Variants in ANKS1B observed in about 807,000 individuals in gnomAD.
ANKS1B encodes the protein ankyrin repeat and sterile alpha motif domain containing 1B.
In ANKS1B, 36 loss-of-function variants were observed where a neutral mutation model predicts 148.3. That is an observed-to-expected ratio of 0.24 (90% CI 0.19 to 0.32). The LOEUF (loss-of-function observed/expected upper bound fraction) is 0.32. Among genes scored for constraint, ANKS1B ranks in the 10% least tolerant of loss-of-function variants. ANKS1B has a pLI of 1.00. For synonymous variants in ANKS1B, 542 were observed against 560.8 expected, an observed-to-expected ratio of 0.97 and a Z score of 0.47; for missense variants, 1,157 against 1,542.6, an observed-to-expected ratio of 0.75 and a Z score of 4.19.
intron 10 of ANKS1B, among the ~76,000 whole-genome samples, chr12:99,493,876 A>G (rs1166878646): frequency 1.3e-5 from 2 of 152,348 alleles, no homozygotes; most frequent in East Asian, 3.9e-4. Context: ...GAAGTGGTCT[A>G]GCCTGGAGAT....
At chr12:99,521,740 C>T (rs953615316) in intron 9 of ANKS1B, among the ~76,000 whole-genome samples, 1 of 152,210 alleles carries the variant, frequency 6.6e-6, no homozygotes, top group Non-Finnish European at 1.5e-5. Context: ...CTCGCTCTCT[C>T]TCTCTCTCTG....
At chr12:99,105,518 A>C (rs2058972427) in intron 15 of ANKS1B, among the ~76,000 whole-genome samples, 1 of 152,048 alleles carries the variant, frequency 6.6e-6, no homozygotes. Flanking sequence ...ATTAAAAACA[A>C]AATTTTTTGG....
At chr12:99,460,540 A>C (rs1273619111) in intron 10 of ANKS1B, among the ~76,000 whole-genome samples, 1 of 152,170 alleles carries the variant, frequency 6.6e-6, no homozygotes, top group Non-Finnish European at 1.5e-5. Flanking sequence ...CAAGGAACTC[A>C]AACATATCAG....
chr12:98,740,737 C>T (rs1399116096), downstream of ANKS1B, among the ~76,000 whole-genome samples: 1 of 152,222 alleles, frequency 6.6e-6, no homozygotes, highest in Non-Finnish European at 1.5e-5. Context: ...TCAGCTAAAA[C>T]TAACAATTGC....
chr12:99,576,559 T>C (rs1018834610), intron 9 of ANKS1B, among the ~76,000 whole-genome samples: 3 of 151,908 alleles, frequency 2.0e-5, no homozygotes, highest in East Asian at 1.9e-4. Flanking sequence ...ACAGTAAAAA[T>C]AGAAATCAAT....
At chr12:99,915,825 G>A (rs1171114823) in intron 1 of ANKS1B, among the ~76,000 whole-genome samples, 1 of 152,152 alleles carries the variant, frequency 6.6e-6, no homozygotes, top group African/African-American at 2.4e-5. Context: ...TCCTTTTAAG[G>A]GCTGGGTGAA....
At chr12:98,762,238 C>T (rs2153442650) in intron 25 of ANKS1B, among the ~76,000 whole-genome samples, 1 of 152,364 alleles carries the variant, frequency 6.6e-6, no homozygotes, top group Non-Finnish European at 1.5e-5. Context: ...TACCTACCTA[C>T]AGCACCTATT....
intron 11 of ANKS1B, among the ~76,000 whole-genome samples, chr12:99,414,926 T>G (rs1215004849): frequency 6.6e-6 from 1 of 152,188 alleles, no homozygotes; most frequent in Non-Finnish European, 1.5e-5. Context: ...AGTGTGGAGT[T>G]TGTTAGATGG....
At chr12:99,648,927 T>C in intron 9 of ANKS1B, 2 of 1,225,078 alleles carry the variant, frequency 1.6e-6, no homozygotes, top group Non-Finnish European at 2.2e-6. Flanking sequence ...TGAGCTTCCA[T>C]TTGGAGGCCA....
intron 12 of ANKS1B, among the ~76,000 whole-genome samples, chr12:99,288,260 T>C (rs143198012): frequency 1.3e-5 from 2 of 152,212 alleles, no homozygotes; most frequent in South Asian, 2.1e-4. Context: ...GAGAGCGGCA[T>C]GATATATTTA....
At chr12:99,547,718 C>T (rs1026992936) in intron 9 of ANKS1B, among the ~76,000 whole-genome samples, 2 of 152,194 alleles carry the variant, frequency 1.3e-5, no homozygotes, top group Non-Finnish European at 2.9e-5. Flanking sequence ...TGAATTGAAC[C>T]GAGCATTATT....
intron 9 of ANKS1B, among the ~76,000 whole-genome samples, chr12:99,605,707 C>T (rs2097846699): frequency 6.6e-6 from 1 of 152,000 alleles, no homozygotes; most frequent in South Asian, 2.1e-4. Flanking sequence ...TGTAAATATG[C>T]CAAATATTTT....
Position 99,687,242 on chromosome 12 carries a change from T to TC in ANKS1B, c.1129-32033dup, listed in dbSNP as rs552330165. On this transcript the variant is annotated intron_variant, in intron 8 of 26. Transcript: ENST00000683438. ...ACTCTGGTAAGTAATATACCTTTTT[T>TC]CTCTGGCTGCTTTTAGGATTCTTCT... 1.9e-4 allele frequency among the ~76,000 whole-genome samples: 29 copies of TC among 152,284 alleles called. No individual in the cohort carries two copies. The South Asian group carries it at 6.0e-3, about 32-fold the overall frequency.
chr12:99,320,665 T>C (rs572411499), intron 12 of ANKS1B, among the ~76,000 whole-genome samples: 1 of 152,082 alleles, frequency 6.6e-6, no homozygotes, highest in African/African-American at 2.4e-5. Context: ...GAGAGGTTTG[T>C]TATTACTGAT....
intron 17 of ANKS1B, among the ~76,000 whole-genome samples, chr12:98,845,353 A>T (rs201392): frequency 0.71 from 108,370 of 152,046 alleles, 42,445 homozygotes; most frequent in East Asian, 0.97. Context: ...TCTCCCAGAG[A>T]TGCTGTGTGG....
intron 10 of ANKS1B, among the ~76,000 whole-genome samples, chr12:99,500,929 T>C (rs2096649458): frequency 1.3e-5 from 2 of 152,182 alleles, no homozygotes; most frequent in South Asian, 4.1e-4. Context: ...TTTTCCACAT[T>C]TTTGTCTCTG....
At chr12:99,823,315 T>C (rs1324021315) in intron 2 of ANKS1B, among the ~76,000 whole-genome samples, 1 of 151,978 alleles carries the variant, frequency 6.6e-6, no homozygotes, top group African/African-American at 2.4e-5. Context: ...GTCAATTTTA[T>C]CTATTTATTT....
At chr12:99,514,723 G>C (rs2096798792) in intron 9 of ANKS1B, among the ~76,000 whole-genome samples, 1 of 152,070 alleles carries the variant, frequency 6.6e-6, no homozygotes, top group Non-Finnish European at 1.5e-5. Context: ...CCAGAACTAA[G>C]GGAAAGAGGA....
At chr12:98,815,894 A>G (rs2099135769) in intron 19 of ANKS1B, among the ~76,000 whole-genome samples, 1 of 152,164 alleles carries the variant, frequency 6.6e-6, no homozygotes, top group Non-Finnish European at 1.5e-5. Flanking sequence ...TCTCAGTACT[A>G]CAGCCAAAAT....
Sources: allele counts gnomAD v4.1 joint callset (sites outside exome capture counted in the v4.1 genomes callset), GRCh38; gene constraint gnomAD v4.1.1; transcripts MANE v1.5; gene names NCBI Gene and HGNC (gene_info 2026-07-23, HGNC 2026-07-21).